Variants in CREBZF observed in about 807,000 individuals in gnomAD.
The protein encoded by CREBZF is CREB/ATF bZIP transcription factor, also known as HCF-binding transcription factor Zhangfei.
CREBZF carries 8 observed loss-of-function variants against 21.1 expected under a neutral mutation model. That is an observed-to-expected ratio of 0.38 (90% CI 0.22 to 0.68). The LOEUF (loss-of-function observed/expected upper bound fraction) is 0.68, where lower values mean the gene tolerates loss of function less well. Among genes scored for constraint, CREBZF ranks in the 30% least tolerant of loss-of-function variants. The pLI, the probability that CREBZF is intolerant of heterozygous loss-of-function variation, is 0.51. For missense variants in CREBZF, 518 were observed against 484.3 expected, an observed-to-expected ratio of 1.07 and a Z score of -0.65; for synonymous variants, 270 against 223.3, an observed-to-expected ratio of 1.21 and a Z score of -1.86.
chr11:85,679,182 T>C (rs1011192609), intron 1 of CREBZF, among the ~76,000 whole-genome samples: 4 of 152,222 alleles, frequency 2.6e-5, no homozygotes, highest in Non-Finnish European at 4.4e-5. Context: ...TGTTTTCCTC[T>C]TCTCTTGGAC....
upstream of CREBZF, among the ~76,000 whole-genome samples, chr11:85,668,770 A>AGGCG (rs1157572548): frequency 2.6e-5 from 4 of 151,816 alleles, no homozygotes; most frequent in African/African-American, 9.7e-5. Context: ...TGGGAGGCCG[A>AGGCG]GGCGGGCGGA....
Position 85,663,732 on chromosome 11 carries a change from A to C in CREBZF, c.*79T>G, listed in dbSNP as rs2153322913. 6.3e-7 allele frequency: 1 copy of C among 1,591,880 alleles called. No individual in the cohort carries two copies. The highest frequency in any genetic ancestry group is 2.2e-5 in the East Asian group (1 of 44,772). ...CTCCTCTGAAATGTGTCCGGTGAAG[A>C]TGTCCCACTAAGGTAAGTTTGACAT... On this transcript the variant is annotated 3_prime_UTR_variant, in exon 1 of 1. Coordinates refer to ENST00000527447, the MANE Select transcript of CREBZF (RefSeq NM_001039618.4).
In CREBZF at chr11:85,661,289, T is replaced by C. The variant is rs2082670572; in HGVS notation, c.*2522A>G. 1 of 151,466 alleles carries C rather than the reference T, an allele frequency of 6.6e-6. No individual in the cohort carries two copies. Among genetic ancestry groups the C allele is most frequent in the Admixed American group, 6.6e-5 (1 of 15,200 alleles). The allele number at this position is 151,466 out of a possible 1,614,324, so 9.4% of individuals were successfully genotyped here. ...TGTAAAAACAAGACCATGAAGTTGA[T>C]GTAAAAAATGACAAAATCACTAAGT... is the stretch of plus-strand genomic sequence containing the variant. On this transcript the variant is annotated 3_prime_UTR_variant, in exon 1 of 1. Transcript: ENST00000527447.
chr11:85,669,713 A>C (rs1182699173), upstream of CREBZF, among the ~76,000 whole-genome samples: 1 of 152,222 alleles, frequency 6.6e-6, no homozygotes, highest in Non-Finnish European at 1.5e-5. Context: ...ATAAAGACAA[A>C]AAGTTGGAGC....
rs1243600716 is a variant in CREBZF at position 85,660,795 on chromosome 11, A to T, written c.*3016T>A. The T allele has an allele frequency of 3.5e-6, 1 of 283,628 alleles. No individual in the cohort carries two copies. Among genetic ancestry groups the T allele is most frequent in the Non-Finnish European group, 6.9e-6 (1 of 145,232 alleles). 17.6% of individuals were successfully genotyped at this position (283,628 alleles called of 1,614,324 possible). A position where few individuals can be genotyped will look rare whatever the true frequency, so the allele number is the denominator to read the frequency against. ...GATAGAAATAGTAGGTCAAAATATG[A>T]TGTGTTAGTTCAATTAATGTATGAA... On this transcript the variant is annotated 3_prime_UTR_variant, in exon 1 of 1. Transcript: ENST00000527447.
chr11:85,664,977 G>A lies in CREBZF; in HGVS notation c.-102C>T. On this transcript the variant is annotated 5_prime_UTR_variant, in exon 1 of 1. Transcript: ENST00000527447. The surrounding 1 kb of genome is among the most constrained non-coding windows in gnomAD (Gnocchi z 5.5). ...GGGCGGGTAGCCCCCGGCACTGGCC[G>A]AAACGAAATGCAGGGAAAGGTCCGA... 1.3e-6 allele frequency: 1 copy of A among 769,018 alleles called. No homozygotes were observed. The highest frequency in any genetic ancestry group is 1.9e-6 in the Non-Finnish European group (1 of 538,412). 47.6% of individuals were successfully genotyped at this position (769,018 alleles called of 1,614,324 possible). A position where few individuals can be genotyped will look rare whatever the true frequency, so the allele number is the denominator to read the frequency against.
chr11:85,662,507 A>C lies in CREBZF; in HGVS notation c.*1304T>G. On this transcript the variant is annotated 3_prime_UTR_variant, in exon 1 of 1. Transcript: ENST00000527447. Reference sequence around the variant, plus strand: ...TGCTAAATACGTATATACTTTATCAAGCAGTGATGTTTCACAAAGAATTTC... The same window carrying C: ...TGCTAAATACGTATATACTTTATCACGCAGTGATGTTTCACAAAGAATTTC... The C allele has an allele frequency of 1.4e-6, 1 of 696,032 alleles. No individual in the cohort carries two copies. The highest frequency in any genetic ancestry group is 2.1e-5 in the Admixed American group (1 of 46,632). The allele number at this position is 696,032 out of a possible 1,614,324, so 43.1% of individuals were successfully genotyped here.
Position 85,660,277 on chromosome 11 carries a change from A to G in CREBZF, c.*3534T>C, listed in dbSNP as rs918582550. ...CTTGATGAAATACTGTAATTCTCCA[A>G]AGGTTACAATTTTGTAAAGATATGC... On this transcript the variant is annotated 3_prime_UTR_variant, in exon 1 of 1. Transcript: ENST00000527447. The G allele has an allele frequency of 1.1e-5, 2 of 174,328 alleles. No homozygotes were observed. Among genetic ancestry groups the G allele is most frequent in the African/African-American group, 4.8e-5 (2 of 41,610 alleles). 10.8% of individuals were successfully genotyped at this position (174,328 alleles called of 1,614,324 possible).
At position 85,661,074 on chromosome 11, in the gene CREBZF, T is replaced by A. The variant is rs183219165; in HGVS notation, c.*2737A>T. The A allele has an allele frequency of 1.3e-5, 2 of 153,418 alleles. No homozygotes were observed. Among genetic ancestry groups the A allele is most frequent in the Non-Finnish European group, 2.9e-5 (2 of 68,546 alleles). The allele number at this position is 153,418 out of a possible 1,614,324, so 9.5% of individuals were successfully genotyped here. On this transcript the variant is annotated 3_prime_UTR_variant, in exon 1 of 1. Transcript: ENST00000527447. The stretch of plus-strand genomic sequence containing the variant: ...AAATAGTAAGACAACAGTTTCACAT[T>A]AATCATAACTTTTTTAATTAACAAG...
At position 85,662,248 on chromosome 11, in the gene CREBZF, A is replaced by G. The variant is rs1565806830; in HGVS notation, c.*1563T>C. ...AACAAGGATTCCATTTTCATAACCA[A>G]ATAACAAAATAAAACATTTTATGTG... On this transcript the variant is annotated 3_prime_UTR_variant, in exon 1 of 1. Transcript: ENST00000527447. The G allele has an allele frequency of 3.4e-6, 2 of 591,570 alleles. No homozygotes were observed. Among genetic ancestry groups the G allele is most frequent in the South Asian group, 4.3e-5 (2 of 46,084 alleles). The allele number at this position is 591,570 out of a possible 1,614,324, so 36.6% of individuals were successfully genotyped here. A position where few individuals can be genotyped will look rare whatever the true frequency, so the allele number is the denominator to read the frequency against.
chr11:85,673,338 G>T (rs1249524924), intron 1 of CREBZF, among the ~76,000 whole-genome samples: 1 of 152,192 alleles, frequency 6.6e-6, no homozygotes, highest in Non-Finnish European at 1.5e-5. Context: ...CTGCAGATTT[G>T]ATTCCAGACC....
Position 85,663,923 on chromosome 11 carries a change from A to G in CREBZF, c.953T>C (p.Leu318Pro). The change falls in exon 1 of 1, where the codon CTG becomes CCG. Residue 318 changes from leucine to proline, a missense_variant. Leu to Pro is a moderately conservative substitution (Grantham distance 98). Around this residue, in one of 3 missense-constraint regions of CREBZF, gnomAD observed 114 missense variants for 134.1 expected, o/e 0.85. Transcript: ENST00000527447. ...TCCTCCCGCCGAGTCGTCCTCTTCC[A>G]GCAGGTCCTGCTTCTGCTTTCCCAC... ...LPVGKQKQDLLEEDDSAGGVC... is the reference protein window; with the variant it reads ...LPVGKQKQDLPEEDDSAGGVC... 6.2e-7 allele frequency: 1 copy of G among 1,613,664 alleles called. No individual in the cohort carries two copies. Among genetic ancestry groups the G allele is most frequent in the Non-Finnish European group, 8.5e-7 (1 of 1,180,016 alleles).
intron 1 of CREBZF, among the ~76,000 whole-genome samples, chr11:85,677,081 A>T (rs1268446192): frequency 6.6e-6 from 1 of 151,152 alleles, no homozygotes; most frequent in Non-Finnish European, 1.5e-5. Context: ...CTCCTGCCTC[A>T]GCCTCCTGAT....
chr11:85,665,918 C>T (rs2082854729), upstream of CREBZF, among the ~76,000 whole-genome samples: 3 of 152,188 alleles, frequency 2.0e-5, no homozygotes. Flanking sequence ...GCACAAAGAC[C>T]ATCACGACCT....
In CREBZF at chr11:85,664,857, TG is replaced by T; in HGVS notation, c.18del (p.Lys7SerfsTer29). 1.3e-6 allele frequency: 2 copies of T among 1,520,444 alleles called. No homozygotes were observed. The highest frequency in any genetic ancestry group is 1.8e-6 in the Non-Finnish European group (2 of 1,139,664). 94.2% of individuals were successfully genotyped at this position (1,520,444 alleles called of 1,614,324 possible). On this transcript the variant is annotated frameshift_variant, in exon 1 of 1. Transcript: ENST00000527447. LOFTEE classifies it high-confidence loss of function. The surrounding 1 kb of genome is among the most constrained non-coding windows in gnomAD (Gnocchi z 5.5). MRHSL[T>X]KLLAASGSNS... ...TTGCTGCCCGAGGCTGCCAGCAGCT[TG>T]GTCAGGCTATGCCTCATGAGGGCCA...
upstream of CREBZF, among the ~76,000 whole-genome samples, chr11:85,666,858 ACTCCTTGTCCTGC>A (rs1237275113): frequency 5.9e-5 from 9 of 152,058 alleles, no homozygotes; most frequent in Non-Finnish European, 1.0e-4. Context: ...AAATAAAAGG[ACTCCTTGTCCTGC>A]TTAACATTCC....
In CREBZF at chr11:85,664,554, C is replaced by G; in HGVS notation, c.322G>C (p.Ala108Pro). ...GGTTGCCTGGGGTCCAGGAGATCCG[C>G]CAGTTCCAGCCCAGACAGAAAGTCC... ...DMDFLSGLEL[A>P]DLLDPRQPDW... Residue 108 changes from alanine to proline, a missense_variant, in exon 1 of 1, where the codon GCG (alanine) becomes CCG (proline). By Grantham distance (27) the Ala-to-Pro change is conservative (BLOSUM62 -1). Around this residue, in one of 3 missense-constraint regions of CREBZF, gnomAD observed 396 missense variants for 324.4 expected, o/e 1.22. Coordinates refer to ENST00000527447, the MANE Select transcript of CREBZF (RefSeq NM_001039618.4). This position sits in a 1 kb window ranked among gnomAD's most constrained non-coding sequence, Gnocchi z 5.5. The G allele has an allele frequency of 3.1e-6, 5 of 1,613,944 alleles. No individual in the cohort carries two copies. Among genetic ancestry groups the G allele is most frequent in the Non-Finnish European group, 4.2e-6 (5 of 1,179,998 alleles).
upstream of CREBZF, among the ~76,000 whole-genome samples, chr11:85,667,138 T>C (rs2082877384): frequency 6.6e-6 from 1 of 151,810 alleles, no homozygotes; most frequent in Admixed American, 6.5e-5. Flanking sequence ...GGCAAGAGGA[T>C]TGCCTGAGCC....
Position 85,664,937 on chromosome 11 carries a change from G to A in CREBZF, c.-62C>T. The A allele has an allele frequency of 1.6e-6, 2 of 1,244,620 alleles. No homozygotes were observed. Among genetic ancestry groups the A allele is most frequent in the Non-Finnish European group, 2.1e-6 (2 of 946,496 alleles). The allele number at this position is 1,244,620 out of a possible 1,614,324, so 77.1% of individuals were successfully genotyped here. A position where few individuals can be genotyped will look rare whatever the true frequency, so the allele number is the denominator to read the frequency against. On this transcript the variant is annotated 5_prime_UTR_variant, in exon 1 of 1. Transcript: ENST00000527447. The surrounding 1 kb of genome is among the most constrained non-coding windows in gnomAD (Gnocchi z 5.5). ...TAAGAGTGGGCCTCACGGGCCCCAA[G>A]GATCCCAGGCCCCAGGGCGGGTAGC...
Sources: gnomAD v4.1 joint callset for allele counts (sites outside exome capture counted in the v4.1 genomes callset) on GRCh38, gnomAD v4.1.1 for gene constraint, gnomAD v4.1.1 regional missense constraint, Gnocchi (gnomAD v3.1) non-coding constraint, MANE v1.5 for transcripts, NCBI Gene and HGNC (gene_info 2026-07-23, HGNC 2026-07-21) for gene names.